CACNG2: variants seen among roughly 807,000 people sequenced by gnomAD.
CACNG2 encodes voltage-dependent calcium channel gamma-2 subunit.
A neutral mutation model predicts 25.9 loss-of-function variants in CACNG2; 3 were observed. That is an observed-to-expected ratio of 0.12 (90% CI 0.05 to 0.30). The LOEUF is 0.30. Among genes scored for constraint, CACNG2 ranks in the 10% least tolerant of loss-of-function variants. The pLI, the probability that CACNG2 is intolerant of heterozygous loss-of-function variation, is 1.00. For missense variants in CACNG2, 341 were observed against 432.5 expected (o/e 0.79, Z 1.88); for synonymous variants, 167 against 173.3 (o/e 0.96, Z 0.29).
intron 2 of CACNG2, chr22:36,585,197 A>G (rs1160302825): frequency 6.6e-6 from 1 of 152,250 alleles, no homozygotes; most frequent in Non-Finnish European, 1.5e-5. Context: ...TCTGCCTTCA[A>G]GAAGCTCATA....
intron 1 of CACNG2, among the ~76,000 whole-genome samples, chr22:36,668,664 T>G (rs1002566662): frequency 6.6e-6 from 1 of 152,026 alleles, no homozygotes; most frequent in African/African-American, 2.4e-5. Flanking sequence ...AATTTTATTT[T>G]ATTTTATTTT....
At chr22:36,679,824 C>G (rs530560629) in intron 1 of CACNG2, among the ~76,000 whole-genome samples, 1 of 152,220 alleles carries the variant, frequency 6.6e-6, no homozygotes, top group African/African-American at 2.4e-5. Context: ...AATTTTTCTT[C>G]TAAAATGAAG....
intron 1 of CACNG2, among the ~76,000 whole-genome samples, chr22:36,694,039 C>T (rs988384406): frequency 2.0e-5 from 3 of 152,192 alleles, no homozygotes; most frequent in Admixed American, 1.3e-4. Flanking sequence ...TTTTCCTCCT[C>T]AAGCAAGTTG....
chr22:36,685,156 G>A (rs1408588408), intron 1 of CACNG2, among the ~76,000 whole-genome samples: 1 of 152,148 alleles, frequency 6.6e-6, no homozygotes, highest in Admixed American at 6.5e-5. Context: ...CCTGGGCAGC[G>A]TTTCTGGGGG....
chr22:36,643,327 T>C (rs1936470528), intron 1 of CACNG2, among the ~76,000 whole-genome samples: 1 of 151,858 alleles, frequency 6.6e-6, no homozygotes, highest in African/African-American at 2.4e-5. Context: ...TCTCTTTCTC[T>C]GTCTCTCTCT....
At chr22:36,574,975 A>C (rs190178086) in intron 2 of CACNG2, among the ~76,000 whole-genome samples, 2 of 152,294 alleles carry the variant, frequency 1.3e-5, no homozygotes, top group East Asian at 3.9e-4. Flanking sequence ...TATCTCACAG[A>C]CACACAGAGA....
intron 1 of CACNG2, among the ~76,000 whole-genome samples, chr22:36,622,291 G>T (rs985870236): frequency 6.6e-6 from 1 of 152,194 alleles, no homozygotes; most frequent in African/African-American, 2.4e-5. Flanking sequence ...GGAATCTCCC[G>T]CAGGGCTTGT....
At chr22:36,698,179 C>T (rs1937365044) in intron 1 of CACNG2, among the ~76,000 whole-genome samples, 1 of 152,136 alleles carries the variant, frequency 6.6e-6, no homozygotes, top group African/African-American at 2.4e-5. Flanking sequence ...GCCCTCTCTC[C>T]CCACTCTCCT....
chr22:36,699,130 T>A (rs762387912), intron 1 of CACNG2, among the ~76,000 whole-genome samples: 29 of 152,094 alleles, frequency 1.9e-4, no homozygotes, highest in Non-Finnish European at 3.7e-4. Flanking sequence ...GAAAAGTTCA[T>A]GAACTTCTGT....
At chr22:36,591,043 T>G (rs968549131) in intron 1 of CACNG2, among the ~76,000 whole-genome samples, 1 of 132,320 alleles carries the variant, frequency 7.6e-6, no homozygotes, top group African/African-American at 3.0e-5. Flanking sequence ...GGGAGATATA[T>G]TTTTTTTTTT....
At chr22:36,657,781 G>A (rs955566740) in intron 1 of CACNG2, among the ~76,000 whole-genome samples, 3 of 152,112 alleles carry the variant, frequency 2.0e-5, no homozygotes, top group South Asian at 2.1e-4. Context: ...CCTTTGCTAT[G>A]GCTCAGGGAG....
chr22:36,584,552 C>G (rs1156680304), intron 2 of CACNG2: 1 of 152,234 alleles, frequency 6.6e-6, no homozygotes, highest in Non-Finnish European at 1.5e-5. Context: ...GGCACTGGCC[C>G]TCTTTATTTG....
At chr22:36,678,688 C>T (rs1937047574) in intron 1 of CACNG2, among the ~76,000 whole-genome samples, 2 of 151,500 alleles carry the variant, frequency 1.3e-5, no homozygotes, top group Admixed American at 6.6e-5. Flanking sequence ...CAGTCACTCA[C>T]ACCTGTTCCC....
At chr22:36,695,134 C>T (rs983100030) in intron 1 of CACNG2, among the ~76,000 whole-genome samples, 3 of 151,980 alleles carry the variant, frequency 2.0e-5, no homozygotes, top group Admixed American at 6.6e-5. Context: ...GAGGATCACT[C>T]GAGCCCTCGA....
In CACNG2 at chr22:36,594,460, A is replaced by G. The variant is rs111285239; in HGVS notation, c.212-6912T>C. On this transcript the variant is annotated intron_variant, in intron 1 of 3. Transcript: ENST00000300105. ...AAAATATACTTTCTGTCCTCAAGGA[A>G]CTTGCAGTCTATGATGGCAGACAGA... Among the ~76,000 whole-genome samples, 804 of 152,348 alleles carry G rather than the reference A, an allele frequency of 5.3e-3. 9 individuals carry two copies. The highest frequency in any genetic ancestry group is 0.018 in the African/African-American group (742 of 41,574).
chr22:36,616,007 A>T (rs543498832), intron 1 of CACNG2, among the ~76,000 whole-genome samples: 7 of 151,116 alleles, frequency 4.6e-5, no homozygotes, highest in African/African-American at 1.2e-4. Flanking sequence ...CCTATTTTTC[A>T]AATCCAGAGC....
At chr22:36,702,169 G>A (rs974188640) in intron 1 of CACNG2, among the ~76,000 whole-genome samples, 197 bp downstream of exon 1, 8 of 151,956 alleles carry the variant, frequency 5.3e-5, no homozygotes, top group Non-Finnish European at 1.0e-4. Context: ...TGGCGGAGGC[G>A]AGGGAGTAGA....
intron 1 of CACNG2, among the ~76,000 whole-genome samples, chr22:36,601,316 G>C (rs949903582): frequency 1.3e-5 from 2 of 152,064 alleles, no homozygotes; most frequent in Admixed American, 6.5e-5. Flanking sequence ...TTTCATGCAT[G>C]TTGTGGCAAA....
At chr22:36,574,433 G>A (rs1431670104) in intron 2 of CACNG2, among the ~76,000 whole-genome samples, 1 of 152,102 alleles carries the variant, frequency 6.6e-6, no homozygotes, top group African/African-American at 2.4e-5. Context: ...CCAGCTGGGT[G>A]GAAAAAACCA....
Sources: allele counts gnomAD v4.1 joint callset (sites outside exome capture counted in the v4.1 genomes callset), GRCh38; gene constraint gnomAD v4.1.1; transcripts MANE v1.5; gene names NCBI Gene and HGNC (gene_info 2026-07-23, HGNC 2026-07-21).